Variants in CRYBB2 observed in about 807,000 individuals in gnomAD.
CRYBB2 encodes the protein beta-crystallin B2.
CRYBB2 carries 12 observed loss-of-function variants against 24.3 expected under a neutral mutation model. The observed-to-expected ratio is 0.49, with a 90% confidence interval of 0.32 to 0.80. The LOEUF (loss-of-function observed/expected upper bound fraction) is 0.80, where lower values mean the gene tolerates loss of function less well. CRYBB2 is among the 30% of genes least tolerant of loss of function. The pLI is 0.04. For synonymous variants in CRYBB2, 98 were observed against 101.6 expected (o/e 0.96, Z 0.21); for missense variants, 198 against 268.5 (o/e 0.74, Z 1.83).
chr22:25,231,631 C>T lies in CRYBB2; in HGVS notation c.477C>T (p.Tyr159=), dbSNP rs780686115. The T allele has an allele frequency of 1.1e-5, 17 of 1,614,190 alleles. No individual in the cohort carries two copies. Among genetic ancestry groups the T allele is most frequent in the Non-Finnish European group, 1.3e-5 (15 of 1,180,024 alleles). Residue 159 remains tyrosine, a synonymous_variant, in exon 6 of 6, where the codon TAC becomes TAT. Transcript: ENST00000398215. ...GTWVGYQYPG[Y]RGLQYLLEKG... is the part of the protein sequence containing the mutation. The stretch of plus-strand genomic sequence containing the variant: ...GGGTTGGCTACCAGTACCCCGGCTA[C>T]CGTGGGCTGCAGTACCTGCTGGAGA...
At chr22:25,225,076 G>A in intron 3 of CRYBB2, 40 bp downstream of exon 3, 1 of 1,097,324 alleles carries the variant, frequency 9.1e-7, no homozygotes, top group Non-Finnish European at 1.4e-6. Flanking sequence ...GGGACTTTGG[G>A]TGAGGTGATC....
chr22:25,227,916 C>T lies in CRYBB2; in HGVS notation c.237C>T (p.Tyr79=). 2.5e-6 allele frequency: 4 copies of T among 1,614,130 alleles called. No individual in the cohort carries two copies. Among genetic ancestry groups the T allele is most frequent in the Non-Finnish European group, 3.4e-6 (4 of 1,180,018 alleles). Residue 79 remains tyrosine, a synonymous_variant, in exon 4 of 6, where the codon TAC becomes TAT. Coordinates refer to ENST00000398215, the MANE Select transcript of CRYBB2 (RefSeq NM_000496.3). ...GEQFVFEKGE[Y]PRWDSWTSSR... is the part of the protein sequence containing the mutation. ...AGTTTGTGTTTGAGAAGGGTGAGTA[C>T]CCCCGCTGGGACTCATGGACCAGCA...
intron 3 of CRYBB2, among the ~76,000 whole-genome samples, chr22:25,226,713 A>G (rs572796283): frequency 6.6e-6 from 1 of 152,130 alleles, no homozygotes; most frequent in Non-Finnish European, 1.5e-5. Context: ...AGCTCTTGTC[A>G]CCCAGGCTGG....
At chr22:25,214,013 A>C (rs555044772) in intron 1 of CRYBB2, among the ~76,000 whole-genome samples, 3 of 152,362 alleles carry the variant, frequency 2.0e-5, no homozygotes, top group African/African-American at 7.2e-5. Flanking sequence ...CTCATTGGCT[A>C]GATGAGCAAA....
In CRYBB2 at chr22:25,229,593, A is replaced by G. The variant is rs1935497042; in HGVS notation, c.449+15A>G. On this transcript the variant is annotated intron_variant, in intron 5 of 5. Coordinates refer to ENST00000398215, the MANE Select transcript of CRYBB2 (RefSeq NM_000496.3). The stretch of plus-strand genomic sequence containing the variant: ...CAGAGTGGCACGTAAGTGCGTTGCC[A>G]GCCCTGGCTCACCCTGCCCCAGGAA... The G allele has an allele frequency of 4.3e-6, 7 of 1,614,006 alleles. No homozygotes were observed. In the Admixed American group the frequency reaches 1.2e-4, roughly 27 times the overall value.
intron 3 of CRYBB2, among the ~76,000 whole-genome samples, chr22:25,226,783 C>T (rs927645941): frequency 6.6e-6 from 1 of 152,204 alleles, no homozygotes. Context: ...AGGCAATTCT[C>T]CTCCCTCAGA....
At chr22:25,218,778 AG>A (rs367721761), upstream of CRYBB2, among the ~76,000 whole-genome samples, 7,155 of 22,870 alleles carry the variant, frequency 0.31, 1,076 homozygotes, top group African/African-American at 0.52. Flanking sequence ...AGAGAGAGAG[AG>A]AAGAAAGAAA....
chr22:25,231,767 A>G lies in CRYBB2; in HGVS notation c.613A>G (p.Asn205Asp). Reference protein sequence around the residue: ...WHQRGAFHPSN With the variant: ...WHQRGAFHPSD ...CCAACGTGGTGCCTTCCACCCCTCCAACTAGTGCCCTCCCCACCATGCCTC... is the reference window on the plus strand; with the variant it reads ...CCAACGTGGTGCCTTCCACCCCTCCGACTAGTGCCCTCCCCACCATGCCTC... Residue 205 changes from asparagine to aspartate, a missense_variant, in exon 6 of 6, where the codon AAC (asparagine) becomes GAC (aspartate). Physicochemically the swap from Asn to Asp is conservative, Grantham distance 23. Coordinates refer to ENST00000398215, the MANE Select transcript of CRYBB2 (RefSeq NM_000496.3). 2 of 1,613,836 alleles carry G rather than the reference A, an allele frequency of 1.2e-6. No individual in the cohort carries two copies.
chr22:25,226,887 T>G (rs973920934), intron 3 of CRYBB2, among the ~76,000 whole-genome samples: 1 of 152,250 alleles, frequency 6.6e-6, no homozygotes, highest in African/African-American at 2.4e-5. Context: ...TTGGCCAGGA[T>G]GATCTCGAGC....
intron 2 of CRYBB2, among the ~76,000 whole-genome samples, chr22:25,222,056 G>C (rs570072244): frequency 1.3e-5 from 2 of 152,330 alleles, no homozygotes; most frequent in South Asian, 4.1e-4. Flanking sequence ...AAGGGCGGCA[G>C]GATCTTATCC....
At chr22:25,228,058 C>A in intron 4 of CRYBB2, 73 bp downstream of exon 4, 1 of 1,606,356 alleles carries the variant, frequency 6.2e-7, no homozygotes, top group South Asian at 1.1e-5. Flanking sequence ...CACCTTGGAG[C>A]TGGAGGTCTG....
rs1273144243 is a variant in CRYBB2 at position 25,220,717 on chromosome 22, A to ATC, written c.-26-686_-26-685insCT. Among the ~76,000 whole-genome samples the ATC allele has an allele frequency of 5.9e-5, 9 of 152,072 alleles. No homozygotes were observed. The East Asian group carries it at 1.5e-3, about 26-fold the overall frequency. On this transcript the variant is annotated intron_variant, in intron 1 of 5. Transcript: ENST00000398215. ...TGCAGGAAGGGGGAAGAGGCTGACA[A>ATC]TTTTCCAGGCTTTTCTGATGTTCTC...
chr22:25,231,333 AGT>A, intron 5 of CRYBB2, among the ~76,000 whole-genome samples: 1 of 72,618 alleles, frequency 1.4e-5, no homozygotes, highest in African/African-American at 8.3e-5. Flanking sequence ...AGTACAGTAC[AGT>A]ACAGTACAGT....
rs769253548 is a variant in CRYBB2, at chr22:25,221,456, G to A, written c.27G>A (p.Ala9=). Reference sequence around the variant, plus strand: ...TGGCCTCAGATCACCAGACCCAGGCGGGCAAGCCACAGTCCCTCAACCCCA... The same window carrying A: ...TGGCCTCAGATCACCAGACCCAGGCAGGCAAGCCACAGTCCCTCAACCCCA... MASDHQTQ[A]GKPQSLNPKI... is the part of the protein sequence containing the mutation. Residue 9 remains alanine (A), a synonymous_variant, in exon 2 of 6, where the codon GCG becomes GCA. Transcript: ENST00000398215. 38 of 1,613,758 alleles carry A rather than the reference G, an allele frequency of 2.4e-5. No individual in the cohort carries two copies. The highest frequency in any genetic ancestry group is 3.3e-5 in the South Asian group (3 of 91,080).
upstream of CRYBB2, among the ~76,000 whole-genome samples, chr22:25,218,731 AGAGG>A (rs1320258268): frequency 6.8e-4 from 61 of 90,264 alleles, no homozygotes; most frequent in South Asian, 0.013. Context: ...AGAGAGAGAG[AGAGG>A]GGAGAGAGAG....
At chr22:25,227,489 C>G (rs191384581) in intron 3 of CRYBB2, among the ~76,000 whole-genome samples, 2 of 151,142 alleles carry the variant, frequency 1.3e-5, no homozygotes, top group African/African-American at 2.4e-5. Context: ...AATTGGCAAA[C>G]GCTACAAATC....
At chr22:25,218,164 G>GA (rs1935207062), upstream of CRYBB2, among the ~76,000 whole-genome samples, 1 of 151,976 alleles carries the variant, frequency 6.6e-6, no homozygotes, top group South Asian at 2.1e-4. Context: ...GAGGCTGAAG[G>GA]AGGAGAATGG....
rs150483845 is a variant in CRYBB2 at position 25,229,902 on chromosome 22, G to A, written c.449+324G>A. ...GGGAGGATTAGGTTGAGGCAGGAGGGAAGGAATGAGTTGAGTAGTCTGAAA... is the reference window on the plus strand; with the variant it reads ...GGGAGGATTAGGTTGAGGCAGGAGGAAAGGAATGAGTTGAGTAGTCTGAAA... On this transcript the variant is annotated intron_variant, in intron 5 of 5. Coordinates refer to ENST00000398215, the MANE Select transcript of CRYBB2 (RefSeq NM_000496.3). 0.072 allele frequency among the ~76,000 whole-genome samples: 10,868 copies of A among 151,612 alleles called. 879 individuals carry two copies. The highest frequency in any genetic ancestry group is 0.19 in the African/African-American group (7,961 of 41,310).
At chr22:25,215,375 C>G (rs1458608765), upstream of CRYBB2, among the ~76,000 whole-genome samples, 2 of 152,252 alleles carry the variant, frequency 1.3e-5, no homozygotes, top group Admixed American at 6.5e-5. Flanking sequence ...CAGCCCATCC[C>G]TTTGTTTCCC....
Sources: allele counts gnomAD v4.1 joint callset (sites outside exome capture counted in the v4.1 genomes callset), GRCh38; gene constraint gnomAD v4.1.1; transcripts MANE v1.5; gene names NCBI Gene and HGNC (gene_info 2026-07-23, HGNC 2026-07-21).